Variants in UBASH3B observed in about 807,000 individuals in gnomAD.
UBASH3B encodes the protein ubiquitin-associated and SH3 domain-containing protein B.
A neutral mutation model predicts 83.4 loss-of-function variants in UBASH3B; 37 were observed. That is an observed-to-expected ratio of 0.44 (90% CI 0.34 to 0.58). UBASH3B has a LOEUF of 0.58. UBASH3B is among the 20% of genes least tolerant of loss of function. The probability of loss-of-function intolerance (pLI) is 0.01; values close to 1 mark genes in which losing one functional copy is unlikely to be tolerated. For synonymous variants in UBASH3B, 304 were observed against 318.3 expected (o/e 0.96, Z 0.48); for missense variants, 657 against 827.2 (o/e 0.79, Z 2.52).
chr11:122,688,444 G>GT (rs1198313243), intron 1 of UBASH3B, among the ~76,000 whole-genome samples: 4 of 94,452 alleles, frequency 4.2e-5, no homozygotes, highest in Non-Finnish European at 9.8e-5. Context: ...GGGTTTTGTG[G>GT]TTTGTTTGTT....
At chr11:122,721,716 G>T (rs1248437121) in intron 1 of UBASH3B, among the ~76,000 whole-genome samples, 1 of 152,200 alleles carries the variant, frequency 6.6e-6, no homozygotes, top group Admixed American at 6.5e-5. Context: ...AAGCCTTCCA[G>T]GATCTTTCCT....
intron 1 of UBASH3B, among the ~76,000 whole-genome samples, chr11:122,744,877 G>GTGTGTGTGTC (rs2135962968): frequency 8.3e-6 from 1 of 120,094 alleles, no homozygotes; most frequent in East Asian, 2.0e-4. Context: ...GTGACTCTGT[G>GTGTGTGTGTC]TGTGTGTGTG....
At chr11:122,704,051 G>T (rs750169215) in intron 1 of UBASH3B, among the ~76,000 whole-genome samples, 1 of 152,162 alleles carries the variant, frequency 6.6e-6, no homozygotes, top group African/African-American at 2.4e-5. Flanking sequence ...CTTACTCAGG[G>T]TGCCTGCGGC....
In UBASH3B at chr11:122,725,726, C is replaced by T. The variant is rs181725779; in HGVS notation, c.162-50493C>T. Among the ~76,000 whole-genome samples the T allele has an allele frequency of 3.1e-3, 476 of 152,236 alleles. 2 individuals carry two copies. The highest frequency in any genetic ancestry group is 3.8e-3 in the Admixed American group (58 of 15,284). On this transcript the variant is annotated intron_variant, in intron 1 of 13. Transcript: ENST00000284273. The stretch of plus-strand genomic sequence containing the variant: ...TTTATTTTTTTGAGACAGAGTCTCA[C>T]CCTGTCGCCCAGGCTGGAGTGCAGT...
chr11:122,674,534 C>T (rs1382502620), intron 1 of UBASH3B, among the ~76,000 whole-genome samples: 5 of 151,892 alleles, frequency 3.3e-5, no homozygotes, highest in Non-Finnish European at 7.4e-5. Flanking sequence ...GCGCCCGCCA[C>T]CACACCCGGC....
intron 1 of UBASH3B, among the ~76,000 whole-genome samples, chr11:122,683,604 CAAA>C (rs35467373): frequency 2.7e-5 from 1 of 36,828 alleles, no homozygotes. Flanking sequence ...GACTCCTTCT[CAAA>C]AAAAAAAAAA....
At chr11:122,666,030 C>T (rs1020660730) in intron 1 of UBASH3B, among the ~76,000 whole-genome samples, 1 of 152,202 alleles carries the variant, frequency 6.6e-6, no homozygotes, top group African/African-American at 2.4e-5. Flanking sequence ...AGGCTGTTCT[C>T]GTGCAGAGTG....
chr11:122,772,012 C>T (rs756687214), intron 1 of UBASH3B, among the ~76,000 whole-genome samples: 1 of 152,120 alleles, frequency 6.6e-6, no homozygotes, highest in Non-Finnish European at 1.5e-5. Context: ...GAATGCAGCC[C>T]AGTCTGATAT....
At chr11:122,783,839 C>T (rs1314223818) in intron 5 of UBASH3B, among the ~76,000 whole-genome samples, 1 of 152,156 alleles carries the variant, frequency 6.6e-6, no homozygotes, top group Admixed American at 6.5e-5. Context: ...AACTGAATTC[C>T]ATCACAAGAA....
chr11:122,655,890 G>A lies in UBASH3B; in HGVS notation c.-160G>A, dbSNP rs1863351116. The A allele has an allele frequency of 5.1e-6, 4 of 780,012 alleles. No individual in the cohort carries two copies. The highest frequency in any genetic ancestry group is 3.3e-5 in the East Asian group (1 of 30,230). 48.3% of individuals were successfully genotyped at this position (780,012 alleles called of 1,614,324 possible). On this transcript the variant is annotated 5_prime_UTR_variant, in exon 1 of 14. Transcript: ENST00000284273. ...TGTGGCCTCACCAGGAAGCGTCAGAGTCCCGACACTGGGGAAGCTCGGAGC... is the reference window on the plus strand; with the variant it reads ...TGTGGCCTCACCAGGAAGCGTCAGAATCCCGACACTGGGGAAGCTCGGAGC...
At position 122,777,087 on chromosome 11, in the gene UBASH3B, C is replaced by T; in HGVS notation, c.279C>T (p.Tyr93=). 6.2e-7 allele frequency: 1 copy of T among 1,614,028 alleles called. No individual in the cohort carries two copies. Among genetic ancestry groups the T allele is most frequent in the Non-Finnish European group, 8.5e-7 (1 of 1,179,998 alleles). ...CCCTGCCCCGGGAGTACGTCCTCTA[C>T]CTCCGTCCCACCGGCCCCTTAGCAC... ...DDPLPREYVL[Y]LRPTGPLAQK... is the part of the protein sequence containing the mutation. The change falls in exon 3 of 14, where the codon TAC becomes TAT. Residue 93 remains tyrosine (Y), a synonymous_variant. Transcript: ENST00000284273.
Position 122,805,397 on chromosome 11 carries a change from T to C in UBASH3B, c.1596-1013T>C, listed in dbSNP as rs934060511. On this transcript the variant is annotated intron_variant, in intron 11 of 13. Transcript: ENST00000284273. ...ACAATACAAAATTAGCCGGGTGTGGTGGCGCATGCCTCTAATCCCAGCTAC... is the reference window on the plus strand; with the variant it reads ...ACAATACAAAATTAGCCGGGTGTGGCGGCGCATGCCTCTAATCCCAGCTAC... Among the ~76,000 whole-genome samples the C allele has an allele frequency of 2.6e-5, 4 of 152,090 alleles. No homozygotes were observed. In the East Asian group the frequency reaches 5.8e-4, roughly 22 times the overall value.
chr11:122,768,466 A>AGGTATGTGTGTGTGTGTG (rs745861229), intron 1 of UBASH3B, among the ~76,000 whole-genome samples: 5 of 128,976 alleles, frequency 3.9e-5, no homozygotes, highest in Non-Finnish European at 6.3e-5. Context: ...AGAGATATAT[A>AGGTATGTGTGTGTGTGTG]TGTATGTGTG....
intron 13 of UBASH3B, 111 bp from the exon 14 acceptor site, chr11:122,809,638 C>T: frequency 1.8e-6 from 2 of 1,119,936 alleles, no homozygotes; most frequent in South Asian, 1.6e-5. Flanking sequence ...AGCCACTATC[C>T]ATTTCTGACT....
chr11:122,689,721 C>T (rs1277856388), intron 1 of UBASH3B, among the ~76,000 whole-genome samples: 1 of 152,160 alleles, frequency 6.6e-6, no homozygotes, highest in Non-Finnish European at 1.5e-5. Context: ...AGTTGCAAGT[C>T]CAGGCTTCTG....
intron 5 of UBASH3B, among the ~76,000 whole-genome samples, chr11:122,785,273 C>T (rs1283116831): frequency 6.6e-6 from 1 of 152,236 alleles, no homozygotes; most frequent in East Asian, 1.9e-4. Flanking sequence ...AAGCTCTCCT[C>T]GGCCCCTTTG....
At chr11:122,737,788 T>G (rs954330347) in intron 1 of UBASH3B, among the ~76,000 whole-genome samples, 10 of 150,924 alleles carry the variant, frequency 6.6e-5, no homozygotes, top group Non-Finnish European at 1.5e-4. Flanking sequence ...AAGGAATAGG[T>G]CAGGACGCCA....
intron 1 of UBASH3B, among the ~76,000 whole-genome samples, chr11:122,658,294 T>A (rs2135887157): frequency 6.6e-6 from 1 of 151,942 alleles, no homozygotes; most frequent in South Asian, 2.1e-4. Context: ...ATTAAAAACC[T>A]AAATTGCTTA....
intron 8 of UBASH3B, among the ~76,000 whole-genome samples, chr11:122,796,511 G>C (rs985131615): frequency 1.3e-5 from 2 of 152,130 alleles, no homozygotes; most frequent in Non-Finnish European, 2.9e-5. Flanking sequence ...TCTTGCCCCA[G>C]GTCATATGGC....
Sources: allele counts gnomAD v4.1 joint callset (sites outside exome capture counted in the v4.1 genomes callset), GRCh38; gene constraint gnomAD v4.1.1; transcripts MANE v1.5; gene names NCBI Gene and HGNC (gene_info 2026-07-23, HGNC 2026-07-21).